Variants in ESCO2 observed in about 807,000 individuals in gnomAD.
ESCO2 encodes the protein establishment of sister chromatid cohesion N-acetyltransferase 2, also known as N-acetyltransferase ESCO2.
A neutral mutation model predicts 61.7 loss-of-function variants in ESCO2; 51 were observed. That is an observed-to-expected ratio of 0.83 (90% confidence interval 0.66 to 1.04). ESCO2 has a LOEUF of 1.04. ESCO2 is among the 50% of genes least tolerant of loss of function. The probability of loss-of-function intolerance (pLI) is 0.00; values close to 1 mark genes in which losing one functional copy is unlikely to be tolerated. For synonymous variants in ESCO2, 230 were observed against 238.2 expected (o/e 0.97, Z 0.32); for missense variants, 692 against 686.2 (o/e 1.01, Z -0.09).
At chr8:27,772,221 C>T (rs1841312), upstream of ESCO2, among the ~76,000 whole-genome samples, 8,800 of 152,298 alleles carry the variant, frequency 0.058, 350 homozygotes, top group Non-Finnish European at 0.087. Context: ...AGGCTCTGCC[C>T]AATCCCAGGG....
upstream of ESCO2, chr8:27,772,543 T>G: frequency 1.3e-6 from 2 of 1,549,436 alleles, no homozygotes; most frequent in South Asian, 2.4e-5. Context: ...AACACCATGA[T>G]CCCGGGAGCG....
At chr8:27,810,908 T>A, downstream of ESCO2, 2 of 1,162,938 alleles carry the variant, frequency 1.7e-6, no homozygotes, top group Non-Finnish European at 1.3e-6. Flanking sequence ...TATATAATCT[T>A]TAGTGTGAAA....
Position 27,804,810 on chromosome 8 carries a change from T to C in ESCO2, c.*1372T>C. On this transcript the variant is annotated 3_prime_UTR_variant, in exon 11 of 11. Transcript: ENST00000305188. ...ATTTTAATGCTATTTTCTGCACTTA[T>C]TTCTTTTAAATATTTTATTTAAAAT... is the stretch of plus-strand genomic sequence containing the variant. 2.1e-6 allele frequency: 2 copies of C among 952,384 alleles called. No homozygotes were observed. Among genetic ancestry groups the C allele is most frequent in the Non-Finnish European group, 1.3e-6 (1 of 799,852 alleles). The allele number at this position is 952,384 out of a possible 1,614,324, so 59.0% of individuals were successfully genotyped here. A position where few individuals can be genotyped will look rare whatever the true frequency, so the allele number is the denominator to read the frequency against.
intron 9 of ESCO2, 135 bp from the exon 10 acceptor site, chr8:27,799,406 A>T: frequency 1.0e-6 from 1 of 955,506 alleles, no homozygotes; most frequent in Non-Finnish European, 1.6e-6. Context: ...ATAAGAATTT[A>T]AGAAATAGAA....
At chr8:27,779,004 C>T (rs1316469043) in intron 3 of ESCO2, 1 of 152,320 alleles carries the variant, frequency 6.6e-6, no homozygotes, top group Non-Finnish European at 1.5e-5. Flanking sequence ...CAACCTCCGC[C>T]TCCCAGGTTC....
intron 5 of ESCO2, among the ~76,000 whole-genome samples, chr8:27,784,387 G>C (rs919250206): frequency 2.0e-5 from 3 of 152,048 alleles, no homozygotes; most frequent in Non-Finnish European, 4.4e-5. Context: ...CTATTATTCT[G>C]TTTTCAGCCT....
chr8:27,773,129 G>C (rs193161757), upstream of ESCO2, among the ~76,000 whole-genome samples: 122 of 152,258 alleles, frequency 8.0e-4, no homozygotes, highest in Non-Finnish European at 1.5e-3. Context: ...TCTGAGGAAT[G>C]TGAGTCCCTT....
At chr8:27,773,908 A>G (rs894293075), upstream of ESCO2, among the ~76,000 whole-genome samples, 2 of 152,224 alleles carry the variant, frequency 1.3e-5, no homozygotes, top group Admixed American at 6.5e-5. Flanking sequence ...TTCTGTAAAT[A>G]GCAATTGTTT....
chr8:27,789,058 C>G (rs575720815), intron 7 of ESCO2, 80 bp downstream of exon 7: 417 of 1,569,984 alleles, frequency 2.7e-4, no homozygotes, highest in Middle Eastern at 5.2e-4. Context: ...CTCTACCACC[C>G]AGCCGGAAAA....
Position 27,788,929 on chromosome 8 carries a change from T to A in ESCO2, c.1214T>A (p.Met405Lys). The change falls in exon 7 of 11, where the codon ATG becomes AAG. Residue 405 changes from methionine (M) to lysine (K), a missense_variant. Physicochemically the swap from Met to Lys is moderately conservative, Grantham distance 95. Transcript: ENST00000305188. Reference protein sequence around the residue: ...IYTASNPEDEMQHVQHHHRFL... With the variant: ...IYTASNPEDEKQHVQHHHRFL... ...ACTGCTTCCAACCCTGAAGATGAAA[T>A]GCAGCATGTACAGCATCACCACAGG... is the stretch of plus-strand genomic sequence containing the variant. 6.2e-7 allele frequency: 1 copy of A among 1,614,098 alleles called. No individual in the cohort carries two copies. Among genetic ancestry groups the A allele is most frequent in the Non-Finnish European group, 8.5e-7 (1 of 1,179,998 alleles).
chr8:27,810,235 G>A, downstream of ESCO2: 5 of 1,043,088 alleles, frequency 4.8e-6, no homozygotes, highest in South Asian at 4.0e-5. Flanking sequence ...AATAACTACT[G>A]ATAGTAACTA....
At chr8:27,814,557 T>C (rs1400881520), downstream of ESCO2, among the ~76,000 whole-genome samples, 1 of 152,172 alleles carries the variant, frequency 6.6e-6, no homozygotes, top group Non-Finnish European at 1.5e-5. Context: ...TCCTTTGGAT[T>C]TGCTCTGCTT....
At chr8:27,787,747 C>G (rs1805078156) in intron 5 of ESCO2, 138 bp from the exon 6 acceptor site, 1 of 673,246 alleles carries the variant, frequency 1.5e-6, no homozygotes, top group Admixed American at 2.3e-5. Context: ...CTCTTTGTTC[C>G]TGTCCTTATT....
chr8:27,802,622 AAAAAAAAAAT>A (rs1805459347), intron 10 of ESCO2, among the ~76,000 whole-genome samples: 1 of 69,584 alleles, frequency 1.4e-5, no homozygotes, highest in Non-Finnish European at 2.8e-5. Flanking sequence ...AAAAAAAAAA[AAAAAAAAAAT>A]ATATATATAT....
intron 5 of ESCO2, among the ~76,000 whole-genome samples, chr8:27,784,554 A>G (rs2128953604): frequency 6.6e-6 from 1 of 152,260 alleles, no homozygotes; most frequent in African/African-American, 2.4e-5. Context: ...CAACTTCATG[A>G]TGTAGGTACC....
intron 5 of ESCO2, among the ~76,000 whole-genome samples, chr8:27,787,029 A>G (rs1329368832): frequency 1.3e-5 from 2 of 152,098 alleles, no homozygotes. Flanking sequence ...TGCCCACTTA[A>G]AAGGGCATGT....
At chr8:27,806,653 CTT>C (rs1425482546), downstream of ESCO2, among the ~76,000 whole-genome samples, 2 of 141,386 alleles carry the variant, frequency 1.4e-5, no homozygotes, top group East Asian at 4.1e-4. Context: ...GAGTTTTGCT[CTT>C]GTTGCCCAGG....
At position 27,804,319 on chromosome 8, in the gene ESCO2, G is replaced by T; in HGVS notation, c.*881G>T. On this transcript the variant is annotated 3_prime_UTR_variant, in exon 11 of 11. Coordinates refer to ENST00000305188, the MANE Select transcript of ESCO2 (RefSeq NM_001017420.3). Reference sequence around the variant, plus strand: ...ATTGGTAGTACTACTTTGGGAACCTGTTACTGACAATTGATGTCATTAACA... The same window carrying T: ...ATTGGTAGTACTACTTTGGGAACCTTTTACTGACAATTGATGTCATTAACA... The T allele has an allele frequency of 2.0e-6, 2 of 985,416 alleles. No individual in the cohort carries two copies. Among genetic ancestry groups the T allele is most frequent in the Non-Finnish European group, 2.4e-6 (2 of 829,928 alleles). 61.0% of individuals were successfully genotyped at this position (985,416 alleles called of 1,614,324 possible).
Position 27,794,572 on chromosome 8 carries a change from A to G in ESCO2, c.1497+1761A>G, listed in dbSNP as rs907182884. Among the ~76,000 whole-genome samples the G allele has an allele frequency of 4.6e-5, 7 of 152,172 alleles. No individual in the cohort carries two copies. In the East Asian group the frequency reaches 1.3e-3, roughly 29 times the overall value. On this transcript the variant is annotated intron_variant, in intron 9 of 10. Transcript: ENST00000305188. ...TGTGTTTATCCACTCTGTACTATGC[A>G]GAAACTTTTCAGTTTGATGTTACAT...
Sources: gnomAD v4.1 joint callset for allele counts (sites outside exome capture counted in the v4.1 genomes callset) on GRCh38, gnomAD v4.1.1 for gene constraint, MANE v1.5 for transcripts, NCBI Gene and HGNC (gene_info 2026-07-23, HGNC 2026-07-21) for gene names.